The following CPLANE1 variants were observed in gnomAD, a reference collection of about 807,000 sequenced individuals.
CPLANE1 encodes the protein ciliogenesis and planar polarity effector complex subunit 1, also known as ciliogenesis and planar polarity effector 1.
A neutral mutation model predicts 362.5 loss-of-function variants in CPLANE1; 263 were observed. The observed-to-expected ratio is 0.73, with a 90% CI of 0.66 to 0.80. CPLANE1 has a LOEUF of 0.80. Among genes scored for constraint, CPLANE1 ranks in the 30% least tolerant of loss-of-function variants. The probability of loss-of-function intolerance (pLI) is 0.00; values close to 1 mark genes in which losing one functional copy is unlikely to be tolerated. For missense variants in CPLANE1, 3,461 were observed against 3,793.4 expected, an observed-to-expected ratio of 0.91 and a Z score of 2.30; for synonymous variants, 1,212 against 1,302.6, an observed-to-expected ratio of 0.93 and a Z score of 1.50.
chr5:37,156,629 T>C (rs1775184342), intron 41 of CPLANE1, among the ~76,000 whole-genome samples: 1 of 152,094 alleles, frequency 6.6e-6, no homozygotes, highest in Non-Finnish European at 1.5e-5. Context: ...CACATATATA[T>C]GTATTTTATT....
At chr5:37,163,273 A>G (rs1160795051) in intron 37 of CPLANE1, among the ~76,000 whole-genome samples, 1 of 152,242 alleles carries the variant, frequency 6.6e-6, no homozygotes, top group Non-Finnish European at 1.5e-5. Flanking sequence ...AAAATAGGTA[A>G]GAATTGGTTA....
intron 9 of CPLANE1, 105 bp downstream of exon 9, chr5:37,230,762 A>G: frequency 1.4e-6 from 1 of 723,020 alleles, no homozygotes; most frequent in Non-Finnish European, 2.0e-6. Flanking sequence ...CTCAAAGAAA[A>G]AGTAAGACAA....
At position 37,164,304 on chromosome 5, in the gene CPLANE1, G is replaced by A; in HGVS notation, c.7557C>T (p.Ser2519=). 1 of 1,612,754 alleles carries A rather than the reference G, an allele frequency of 6.2e-7. No homozygotes were observed. The highest frequency in any genetic ancestry group is 8.5e-7 in the Non-Finnish European group (1 of 1,179,100). Residue 2519 remains serine, a synonymous_variant, in exon 37 of 53, where the codon TCC becomes TCT. Coordinates refer to ENST00000651892, the MANE Select transcript of CPLANE1 (RefSeq NM_001384732.1). ...KPKEQQEHCG[S]HPLDDFDVPF... ...GAACGTCGAAGTCATCCAAAGGATG[G>A]GAACCACAATGTTCTTGTTGTTCCT...
At chr5:37,157,916 T>C in intron 39 of CPLANE1, 48 bp from the exon 40 acceptor site, 1 of 741,526 alleles carries the variant, frequency 1.3e-6, no homozygotes, top group Non-Finnish European at 1.9e-6. Flanking sequence ...CTTTTTACTC[T>C]ATGTGGTCAC....
intron 50 of CPLANE1, among the ~76,000 whole-genome samples, chr5:37,119,755 G>A (rs1249862261): frequency 6.6e-6 from 1 of 152,114 alleles, no homozygotes; most frequent in Non-Finnish European, 1.5e-5. Flanking sequence ...GGAGGCCGGG[G>A]CGGGTGGATC....
At chr5:37,242,362 A>AG (rs1377911637) in intron 6 of CPLANE1, among the ~76,000 whole-genome samples, 1 of 152,222 alleles carries the variant, frequency 6.6e-6, no homozygotes, top group Non-Finnish European at 1.5e-5. Context: ...TCAAAAAAAA[A>AG]AAATGCATAT....
intron 37 of CPLANE1, among the ~76,000 whole-genome samples, chr5:37,163,029 A>G (rs1580317062): frequency 6.6e-6 from 1 of 152,222 alleles, no homozygotes; most frequent in Non-Finnish European, 1.5e-5. Context: ...TCTCAAAGAC[A>G]TGGTAGAATC....
At chr5:37,162,600 G>A (rs1777121725) in intron 37 of CPLANE1, 34 bp from the exon 38 acceptor site, 2 of 1,461,294 alleles carry the variant, frequency 1.4e-6, no homozygotes, top group African/African-American at 2.8e-5. Flanking sequence ...AGTAATCATT[G>A]AGAAGCTAAC....
At position 37,209,601 on chromosome 5, in the gene CPLANE1, G is replaced by A; in HGVS notation, c.2921-3176C>T. On this transcript the variant is annotated intron_variant, in intron 16 of 52. Coordinates refer to ENST00000651892, the MANE Select transcript of CPLANE1 (RefSeq NM_001384732.1). This position sits in a 1 kb window ranked among gnomAD's most constrained non-coding sequence, Gnocchi z 4.6. ...AAGTGCCTCTAACTCTTTAGTGGCA[G>A]ATCACTTACAAAGATGTGGCTGTGA... The A allele has an allele frequency of 1.4e-6, 2 of 1,427,654 alleles. No individual in the cohort carries two copies. The highest frequency in any genetic ancestry group is 2.0e-6 in the Non-Finnish European group (2 of 1,011,518). 88.4% of individuals were successfully genotyped at this position (1,427,654 alleles called of 1,614,324 possible). A position where few individuals can be genotyped will look rare whatever the true frequency, so the allele number is the denominator to read the frequency against.
chr5:37,189,782 T>C (rs1383335183), intron 21 of CPLANE1, among the ~76,000 whole-genome samples: 1 of 152,106 alleles, frequency 6.6e-6, no homozygotes, highest in East Asian at 1.9e-4. Flanking sequence ...GTGTATCACC[T>C]GAGGTCAGGA....
chr5:37,189,830 C>G (rs1248290070), intron 21 of CPLANE1, among the ~76,000 whole-genome samples: 1 of 152,062 alleles, frequency 6.6e-6, no homozygotes, highest in African/African-American at 2.4e-5. Flanking sequence ...GAAACCTCAT[C>G]TCTACTAAAA....
intron 16 of CPLANE1, chr5:37,211,829 C>T: frequency 2.5e-6 from 2 of 803,226 alleles, no homozygotes; most frequent in African/African-American, 1.7e-5. Flanking sequence ...TTAAGGATAA[C>T]GAGGAATTTG....
At chr5:37,190,956 G>A (rs879752989) in intron 21 of CPLANE1, among the ~76,000 whole-genome samples, 9 of 151,930 alleles carry the variant, frequency 5.9e-5, no homozygotes, top group Non-Finnish European at 7.4e-5. Context: ...GCTTTTTATC[G>A]TTATTTTAGC....
At chr5:37,166,936 T>C (rs550975841) in intron 35 of CPLANE1, 111 bp downstream of exon 35, 18 of 767,416 alleles carry the variant, frequency 2.3e-5, no homozygotes, top group Admixed American at 1.6e-4. Flanking sequence ...GAAAACTGAA[T>C]GTGCAATTGT....
At chr5:37,236,165 T>C (rs1798947672) in intron 8 of CPLANE1, among the ~76,000 whole-genome samples, 1 of 152,126 alleles carries the variant, frequency 6.6e-6, no homozygotes, top group Non-Finnish European at 1.5e-5. Flanking sequence ...CCCAGCCTAC[T>C]AATTTCAAAT....
intron 52 of CPLANE1, 142 bp downstream of exon 52, chr5:37,108,151 C>T: frequency 1.3e-6 from 1 of 762,492 alleles, no homozygotes. Context: ...TGCTTTGCAT[C>T]ACGATTTCAA....
At chr5:37,247,769 A>T in intron 1 of CPLANE1, 24 bp from the exon 2 acceptor site, 1 of 1,447,548 alleles carries the variant, frequency 6.9e-7, no homozygotes, top group Non-Finnish European at 9.2e-7. Flanking sequence ...TAGTAATAAA[A>T]TATAAATGAT....
chr5:37,219,148 T>A (rs1794808272), intron 15 of CPLANE1, among the ~76,000 whole-genome samples: 1 of 152,056 alleles, frequency 6.6e-6, no homozygotes. Context: ...GGCTGAGGTG[T>A]GAAGATCACT....
intron 37 of CPLANE1, 106 bp from the exon 38 acceptor site, chr5:37,162,672 G>A: frequency 1.4e-6 from 1 of 721,750 alleles, no homozygotes; most frequent in Non-Finnish European, 2.2e-6. Context: ...TGGGGTGTCA[G>A]GATGTTATTA....
Sources: gnomAD v4.1 joint callset for allele counts (sites outside exome capture counted in the v4.1 genomes callset) on GRCh38, gnomAD v4.1.1 for gene constraint, Gnocchi (gnomAD v3.1) non-coding constraint, MANE v1.5 for transcripts, NCBI Gene and HGNC (gene_info 2026-07-23, HGNC 2026-07-21) for gene names.